Variants in NCR1 observed in about 807,000 individuals in gnomAD.
The protein encoded by NCR1 is NK cell-activating receptor.
In NCR1, 30 loss-of-function variants were observed where a neutral mutation model predicts 32.5. The observed-to-expected ratio is 0.92, with a 90% CI of 0.69 to 1.25. The LOEUF (loss-of-function observed/expected upper bound fraction) is 1.25. Among genes scored for constraint, NCR1 ranks in the 50% most tolerant of loss-of-function variants. The pLI is 0.00. For missense variants in NCR1, 369 were observed against 380.7 expected (o/e 0.97, Z 0.26); for synonymous variants, 169 against 143.4 (o/e 1.18, Z -1.28).
At chr19:54,920,432 C>A (rs1199395666), downstream of NCR1, among the ~76,000 whole-genome samples, 1 of 152,142 alleles carries the variant, frequency 6.6e-6, no homozygotes, top group Admixed American at 6.6e-5. Context: ...CAAGCCCTAC[C>A]CCAGATGTGA....
chr19:54,923,842 G>A, the NCR1 span: 1 of 1,613,894 alleles, frequency 6.2e-7, no homozygotes, highest in Non-Finnish European at 8.5e-7. Context: ...ACAGCTTCTT[G>A]ATTTCCAAAT....
At chr19:54,923,734 G>C in the NCR1 span, 1 of 1,612,606 alleles carries the variant, frequency 6.2e-7, no homozygotes, top group South Asian at 1.1e-5. Flanking sequence ...AGCGATCCCA[G>C]GCTGCTCAGC....
chr19:54,909,080 G>A (rs1258446030), intron 3 of NCR1, among the ~76,000 whole-genome samples, 165 bp from the exon 4 acceptor site: 1 of 151,274 alleles, frequency 6.6e-6, no homozygotes, highest in Non-Finnish European at 1.5e-5. Flanking sequence ...TGAGGCAGGA[G>A]AAACGCTTGA....
intron 5 of NCR1, 55 bp from the exon 6 acceptor site, chr19:54,912,113 G>T: frequency 6.9e-7 from 1 of 1,456,702 alleles, no homozygotes; most frequent in South Asian, 1.1e-5. Flanking sequence ...GGGAAGGAGT[G>T]CTGGGGTGGA....
chr19:54,905,296 G>A (rs1034920544), upstream of NCR1, among the ~76,000 whole-genome samples: 1 of 152,062 alleles, frequency 6.6e-6, no homozygotes, highest in Admixed American at 6.6e-5. Flanking sequence ...GGTGTGAGAT[G>A]GTATTGTTGA....
chr19:54,899,669 C>A, the NCR1 span, among the ~76,000 whole-genome samples: 1 of 151,600 alleles, frequency 6.6e-6, no homozygotes, highest in Non-Finnish European at 1.5e-5. Flanking sequence ...CTTGCCCCCC[C>A]AGAAAAGCAG....
chr19:54,924,689 A>G, the NCR1 span, among the ~76,000 whole-genome samples: 1 of 152,104 alleles, frequency 6.6e-6, no homozygotes, highest in African/African-American at 2.4e-5. Flanking sequence ...TAATTCCAGC[A>G]CTTTGGGAGG....
downstream of NCR1, among the ~76,000 whole-genome samples, chr19:54,919,042 C>A (rs899451344): frequency 6.6e-6 from 1 of 151,736 alleles, no homozygotes; most frequent in East Asian, 1.9e-4. Context: ...TAATGGCCTC[C>A]AGCTCCATCC....
At chr19:54,908,653 C>CG (rs1221334994) in intron 3 of NCR1, among the ~76,000 whole-genome samples, 1 of 135,080 alleles carries the variant, frequency 7.4e-6, no homozygotes, top group East Asian at 2.2e-4. Context: ...CTGGCCGGGG[C>CG]TTTTTTTTTT....
intron 6 of NCR1, 137 bp from the exon 7 acceptor site, chr19:54,912,553 C>T (rs574113183): frequency 4.7e-5 from 32 of 676,954 alleles, no homozygotes; most frequent in Admixed American, 1.0e-4. Context: ...GAGCCGAGAT[C>T]GTGCCATTGC....
chr19:54,936,656 T>G, the NCR1 span, among the ~76,000 whole-genome samples: 1 of 151,552 alleles, frequency 6.6e-6, no homozygotes, highest in Admixed American at 6.6e-5. Flanking sequence ...ACTCCATCTC[T>G]ACAAAAAATA....
the NCR1 span, among the ~76,000 whole-genome samples, chr19:54,934,006 G>C: frequency 6.6e-6 from 1 of 152,176 alleles, no homozygotes; most frequent in East Asian, 1.9e-4. This position sits in a 1 kb window ranked among gnomAD's most constrained non-coding sequence, Gnocchi z 6.7. Flanking sequence ...GCAGTGGCGC[G>C]ATCTCGGTTC....
the NCR1 span, among the ~76,000 whole-genome samples, chr19:54,932,426 C>CA: frequency 7.2e-3 from 1,016 of 141,086 alleles, 8 homozygotes; most frequent in African/African-American, 0.02. Context: ...AGACTTCATC[C>CA]AAAAAAAAAA....
chr19:54,933,521 C>T, the NCR1 span: 1 of 1,601,688 alleles, frequency 6.2e-7, no homozygotes, highest in South Asian at 1.1e-5. Flanking sequence ...TCATGTCTCT[C>T]CTGCTTGAAT....
At chr19:54,938,064 G>A in the NCR1 span, 4 of 1,613,906 alleles carry the variant, frequency 2.5e-6, no homozygotes, top group African/African-American at 1.3e-5. Context: ...GCAGATGACA[G>A]GTGCTACGGG....
At chr19:54,909,550 C>T (rs145635167) in intron 4 of NCR1, 27 bp downstream of exon 4, 1 of 1,587,104 alleles carries the variant, frequency 6.3e-7, no homozygotes, top group East Asian at 2.2e-5. Context: ...TTCCCCACAC[C>T]CTTCGCCGCC....
downstream of NCR1, among the ~76,000 whole-genome samples, chr19:54,919,147 C>T (rs1208559674): frequency 2.6e-5 from 4 of 152,088 alleles, no homozygotes; most frequent in Non-Finnish European, 5.9e-5. Context: ...ACTGTAGGGA[C>T]CAGCCCCACA....
upstream of NCR1, among the ~76,000 whole-genome samples, chr19:54,901,233 T>C (rs149368076): frequency 0.018 from 2,666 of 147,402 alleles, 29 homozygotes; most frequent in South Asian, 0.042. Flanking sequence ...GAGCTTGCAG[T>C]GAGTCGAGAT....
chr19:54,903,546 A>ATG (rs587610480), upstream of NCR1, among the ~76,000 whole-genome samples: 6 of 133,772 alleles, frequency 4.5e-5, no homozygotes, highest in Non-Finnish European at 8.1e-5. Context: ...GCATGTATGC[A>ATG]TGTGTGTATA....
Sources: allele counts gnomAD v4.1 joint callset (sites outside exome capture counted in the v4.1 genomes callset), GRCh38; gene constraint gnomAD v4.1.1; non-coding constraint Gnocchi (gnomAD v3.1); transcripts MANE v1.5; gene names NCBI Gene and HGNC (gene_info 2026-07-23, HGNC 2026-07-21).